NMNAT2: variants seen among roughly 807,000 people sequenced by gnomAD.
The protein encoded by NMNAT2 is nicotinamide/nicotinic acid mononucleotide adenylyltransferase 2.
In NMNAT2, 11 loss-of-function variants were observed where a neutral mutation model predicts 41.6. That is an observed-to-expected ratio of 0.26 (90% CI 0.17 to 0.44). NMNAT2 has a LOEUF of 0.44. Ranked by LOEUF, NMNAT2 falls within the 20% of genes least tolerant of loss-of-function variation. The pLI, the probability that NMNAT2 is intolerant of heterozygous loss-of-function variation, is 1.00. For synonymous variants in NMNAT2, 148 were observed against 151.2 expected, an observed-to-expected ratio of 0.98 and a Z score of 0.16; for missense variants, 288 against 407.7, an observed-to-expected ratio of 0.71 and a Z score of 2.53.
chr1:183,370,130 G>A (rs1663499960), intron 1 of NMNAT2, among the ~76,000 whole-genome samples: 1 of 151,786 alleles, frequency 6.6e-6, no homozygotes, highest in African/African-American at 2.4e-5. Flanking sequence ...GGGCTCCTCT[G>A]TCCAGGACCC....
intron 1 of NMNAT2, among the ~76,000 whole-genome samples, chr1:183,364,197 C>T (rs901501628): frequency 6.6e-6 from 1 of 152,142 alleles, no homozygotes; most frequent in East Asian, 1.9e-4. Flanking sequence ...ACTAGGAACA[C>T]GAAAGGGGAT....
At chr1:183,346,531 A>T (rs972907929) in intron 1 of NMNAT2, among the ~76,000 whole-genome samples, 3 of 152,208 alleles carry the variant, frequency 2.0e-5, no homozygotes, top group African/African-American at 7.2e-5. Flanking sequence ...GACAAAACTA[A>T]GCTGTTGATC....
chr1:183,388,721 T>G (rs1168116187), intron 1 of NMNAT2, among the ~76,000 whole-genome samples: 2 of 152,242 alleles, frequency 1.3e-5, no homozygotes, highest in Non-Finnish European at 1.5e-5. Flanking sequence ...CTTCATAGCA[T>G]TTCTTTGTTT....
chr1:183,304,885 C>T (rs1661960660), intron 1 of NMNAT2: 5 of 1,492,378 alleles, frequency 3.4e-6, no homozygotes, highest in Admixed American at 2.1e-5. Flanking sequence ...TCCCTTTGTC[C>T]TTACAGCCAG....
intron 1 of NMNAT2, among the ~76,000 whole-genome samples, chr1:183,307,166 C>T (rs961853414): frequency 1.3e-5 from 2 of 152,170 alleles, no homozygotes; most frequent in African/African-American, 4.8e-5. Context: ...CTTGGTCTCG[C>T]TGCCCCTTTT....
At chr1:183,311,713 T>A (rs1429128024) in intron 1 of NMNAT2, among the ~76,000 whole-genome samples, 1 of 142,592 alleles carries the variant, frequency 7.0e-6, no homozygotes, top group African/African-American at 2.7e-5. Context: ...ACATCACACG[T>A]CCAGTCCCTA....
chr1:183,341,725 C>CA (rs762935303), intron 1 of NMNAT2, among the ~76,000 whole-genome samples: 347 of 22,138 alleles, frequency 0.016, 16 homozygotes, highest in East Asian at 0.063. Flanking sequence ...AAACAAACAC[C>CA]AAAAAAAAAA....
intron 1 of NMNAT2, among the ~76,000 whole-genome samples, chr1:183,365,559 C>T (rs1450908827): frequency 6.6e-6 from 1 of 151,904 alleles, no homozygotes; most frequent in Non-Finnish European, 1.5e-5. Context: ...GAGTTCAAGA[C>T]CAGCCTAGCC....
intron 1 of NMNAT2, among the ~76,000 whole-genome samples, chr1:183,307,453 T>C (rs1662019298): frequency 1.3e-5 from 2 of 151,756 alleles, no homozygotes; most frequent in Non-Finnish European, 1.5e-5. Flanking sequence ...ATGTATATTT[T>C]TTTTTTTAGA....
intron 1 of NMNAT2, among the ~76,000 whole-genome samples, chr1:183,336,729 A>G (rs1442606867): frequency 6.6e-6 from 1 of 152,172 alleles, no homozygotes. Flanking sequence ...AGAAATGAAA[A>G]CCTGTGACCA....
intron 8 of NMNAT2, among the ~76,000 whole-genome samples, chr1:183,269,763 C>T (rs1308195437): frequency 4.6e-5 from 7 of 152,224 alleles, no homozygotes; most frequent in African/African-American, 1.7e-4. Flanking sequence ...ATAACCTGTC[C>T]AAGTTGCACA....
Position 183,298,704 on chromosome 1 carries a change from A to G in NMNAT2, c.86-4911T>C, listed in dbSNP as rs138518216. Among the ~76,000 whole-genome samples, 447 of 152,312 alleles carry G rather than the reference A, an allele frequency of 2.9e-3. 1 individual carries two copies. The highest frequency in any genetic ancestry group is 4.9e-3 in the Non-Finnish European group (332 of 68,018). On this transcript the variant is annotated intron_variant, in intron 1 of 10. Coordinates refer to ENST00000287713, the MANE Select transcript of NMNAT2 (RefSeq NM_015039.4). ...ACAACAAGTAGCAGAAGATGCTGAC[A>G]ATCCTGAATTTATTTGGGTGATCAT...
chr1:183,398,188 T>C (rs188806644), intron 1 of NMNAT2, among the ~76,000 whole-genome samples: 19 of 152,180 alleles, frequency 1.2e-4, no homozygotes. Flanking sequence ...GAGACACACA[T>C]AGGCTCAAAA....
chr1:183,410,933 G>T (rs1312653787), intron 1 of NMNAT2, among the ~76,000 whole-genome samples: 1 of 151,810 alleles, frequency 6.6e-6, no homozygotes, highest in African/African-American at 2.4e-5. Flanking sequence ...TTCCAGGCTG[G>T]TCTCCAAATC....
At chr1:183,388,338 G>C (rs1007287101) in intron 1 of NMNAT2, among the ~76,000 whole-genome samples, 4 of 152,226 alleles carry the variant, frequency 2.6e-5, no homozygotes, top group Admixed American at 6.5e-5. Context: ...AGCAAACTGG[G>C]GGCAGAGTGG....
chr1:183,316,795 A>G (rs1662261554), intron 1 of NMNAT2, among the ~76,000 whole-genome samples: 1 of 152,230 alleles, frequency 6.6e-6, no homozygotes, highest in Non-Finnish European at 1.5e-5. Flanking sequence ...CATAGGGAAT[A>G]TTATTCACTA....
chr1:183,404,102 T>C (rs937740431), intron 1 of NMNAT2, among the ~76,000 whole-genome samples: 2 of 150,132 alleles, frequency 1.3e-5, no homozygotes, highest in African/African-American at 4.9e-5. Flanking sequence ...AAATGTAATT[T>C]TTTTTTTTTT....
chr1:183,263,633 T>C (rs1019096976), intron 8 of NMNAT2, among the ~76,000 whole-genome samples: 5 of 152,070 alleles, frequency 3.3e-5, no homozygotes, highest in African/African-American at 9.7e-5. Context: ...GGTGAAACCC[T>C]GTCTCTACTA....
At chr1:183,316,444 T>G (rs1282409181) in intron 1 of NMNAT2, among the ~76,000 whole-genome samples, 1 of 152,036 alleles carries the variant, frequency 6.6e-6, no homozygotes, top group African/African-American at 2.4e-5. Context: ...CCCCCTCACC[T>G]CCCCATACAC....
Sources: gnomAD v4.1 joint callset for allele counts (sites outside exome capture counted in the v4.1 genomes callset) on GRCh38, gnomAD v4.1.1 for gene constraint, MANE v1.5 for transcripts, NCBI Gene and HGNC (gene_info 2026-07-23, HGNC 2026-07-21) for gene names.